RBBP6: variants seen among roughly 807,000 people sequenced by gnomAD.
RBBP6 encodes RB binding protein 6, ubiquitin ligase.
In RBBP6, 25 loss-of-function variants were observed where a neutral mutation model predicts 167.7. The observed-to-expected ratio is 0.15, with a 90% CI of 0.11 to 0.21. The LOEUF (loss-of-function observed/expected upper bound fraction) is 0.21, where lower values mean the gene tolerates loss of function less well. RBBP6 is among the 10% of genes least tolerant of loss of function. The pLI, the probability that RBBP6 is intolerant of heterozygous loss-of-function variation, is 1.00. For synonymous variants in RBBP6, 789 were observed against 735.8 expected (o/e 1.07, Z -1.17); for missense variants, 1,868 against 2,134.2 (o/e 0.88, Z 2.46).
rs778596342 is a variant in RBBP6 at position 24,569,865 on chromosome 16, A to G, written c.3175A>G (p.Ile1059Val). The change falls in exon 17 of 18, where the codon ATT becomes GTT. Residue 1059 changes from isoleucine to valine, a missense_variant. Around this residue, in one of 7 missense-constraint regions of RBBP6, gnomAD observed 673 missense variants for 691.5 expected, o/e 0.97. Transcript: ENST00000319715. ...GAGATCTCCTCGATCTGAACCTCCA[A>G]TTAAAAAAGCCAAAGAGGAGACTCC... ...RERSPRSEPP[I>V]KKAKEETPKT... 8.1e-6 allele frequency: 13 copies of G among 1,610,762 alleles called. No homozygotes were observed. The highest frequency in any genetic ancestry group is 1.1e-5 in the Non-Finnish European group (13 of 1,179,328).
intron 3 of RBBP6, 122 bp downstream of exon 3, chr16:24,549,103 ATG>A: frequency 6.6e-7 from 1 of 1,516,018 alleles, no homozygotes; most frequent in African/African-American, 1.4e-5. Context: ...TGTAAATAAA[ATG>A]TATTTTGATG....
intron 6 of RBBP6, 26 bp downstream of exon 6, chr16:24,555,943 A>T (rs373554149): frequency 2.0e-6 from 3 of 1,518,400 alleles, no homozygotes; most frequent in Non-Finnish European, 2.7e-6. Flanking sequence ...AAACTATGGT[A>T]TATCTTACTT....
At chr16:24,563,761 A>G (rs928255673) in intron 13 of RBBP6, 97 bp downstream of exon 13, 9 of 1,109,772 alleles carry the variant, frequency 8.1e-6, no homozygotes, top group Non-Finnish European at 1.0e-5. Context: ...GGTCCAAACT[A>G]GGCAGCGGGT....
intron 1 of RBBP6, among the ~76,000 whole-genome samples, chr16:24,542,794 G>C (rs923266455): frequency 2.6e-5 from 4 of 152,134 alleles, no homozygotes; most frequent in Non-Finnish European, 4.4e-5. Flanking sequence ...AATCCTGTCC[G>C]GAAATTTAAG....
chr16:24,540,809 C>A lies in RBBP6; in HGVS notation c.166+17C>A, dbSNP rs1232829790. 4 of 1,602,500 alleles carry A rather than the reference C, an allele frequency of 2.5e-6. No individual in the cohort carries two copies. In the South Asian group the frequency reaches 3.3e-5, roughly 13 times the overall value. On this transcript the variant is annotated intron_variant, in intron 1 of 17. Coordinates refer to ENST00000319715, the MANE Select transcript of RBBP6 (RefSeq NM_006910.5). ...CGAAAGAAGGTAAGGGCCGCTTGGT[C>A]TTAAGATATTTGGTGGCTGGAGAGA...
At chr16:24,553,208 A>G in intron 3 of RBBP6, 1 of 248,272 alleles carries the variant, frequency 4.0e-6, no homozygotes, top group Non-Finnish European at 7.8e-6. Context: ...TCACATTTAG[A>G]GACCATAGGG....
Position 24,571,896 on chromosome 16 carries a change from T to C in RBBP6, c.4830T>C (p.Ser1610=). ...KEQITGQIDK[S]TVKPKPQLSH... ...AAATTACTGGGCAAATTGACAAGAGTACTGTCAAGCCTAAACCCCAGTTAA... is the reference window on the plus strand; with the variant it reads ...AAATTACTGGGCAAATTGACAAGAGCACTGTCAAGCCTAAACCCCAGTTAA... Residue 1610 remains serine (S), a synonymous_variant, in exon 18 of 18, where the codon AGT becomes AGC. Transcript: ENST00000319715. 6.2e-7 allele frequency: 1 copy of C among 1,614,072 alleles called. No individual in the cohort carries two copies. The highest frequency in any genetic ancestry group is 8.5e-7 in the Non-Finnish European group (1 of 1,179,990).
At chr16:24,545,378 CT>C (rs371790538) in intron 1 of RBBP6, among the ~76,000 whole-genome samples, 2 of 152,138 alleles carry the variant, frequency 1.3e-5, no homozygotes, top group African/African-American at 4.8e-5. Context: ...GGCCAGTAGT[CT>C]TTTTTTCTTT....
chr16:24,560,267 C>T (rs780369121), intron 8 of RBBP6, among the ~76,000 whole-genome samples: 31 of 152,170 alleles, frequency 2.0e-4, no homozygotes, highest in Non-Finnish European at 4.1e-4. Flanking sequence ...CCACCACACC[C>T]GGCTAATGTT....
rs769567108 is a variant in RBBP6, at chr16:24,571,511, A to G, written c.4445A>G (p.Tyr1482Cys). 1.2e-6 allele frequency: 2 copies of G among 1,613,558 alleles called. No individual in the cohort carries two copies. Among genetic ancestry groups the G allele is most frequent in the East Asian group, 2.2e-5 (1 of 44,862 alleles). The stretch of plus-strand genomic sequence containing the variant: ...AAAACTGACTATGACACCAGAGAGT[A>G]TTCAAGTTCCAAACGTAGAGATGAA... ...DKKTDYDTRE[Y>C]SSSKRRDEKN... Residue 1482 changes from tyrosine (Y) to cysteine (C), a missense_variant, in exon 18 of 18, where the codon TAT becomes TGT. This residue lies in a region of RBBP6 where 591 missense variants were observed against 540.5 expected (regional missense o/e 1.09). Coordinates refer to ENST00000319715, the MANE Select transcript of RBBP6 (RefSeq NM_006910.5).
intron 14 of RBBP6, among the ~76,000 whole-genome samples, chr16:24,566,888 A>G (rs1250274887): frequency 1.3e-5 from 2 of 152,194 alleles, no homozygotes; most frequent in African/African-American, 4.8e-5. Flanking sequence ...CATAAAAGAG[A>G]ACTTTTAAAT....
chr16:24,549,545 A>G (rs991772532), intron 3 of RBBP6: 6 of 237,308 alleles, frequency 2.5e-5, no homozygotes, highest in African/African-American at 7.0e-5. Flanking sequence ...CACATCATAG[A>G]AAAGAGCTTT....
Position 24,567,514 on chromosome 16 carries a change from T to G in RBBP6, c.1952+9T>G, listed in dbSNP as rs777709019. ...CGACGACTAAAAGAAGAGTATGTAT[T>G]CTAATTTGAAATTATTATACACTTT... On this transcript the variant is annotated intron_variant, in intron 15 of 17. Transcript: ENST00000319715. 3.8e-6 allele frequency: 6 copies of G among 1,586,798 alleles called. No individual in the cohort carries two copies. Among genetic ancestry groups the G allele is most frequent in the Non-Finnish European group, 5.1e-6 (6 of 1,167,020 alleles).
intron 14 of RBBP6, among the ~76,000 whole-genome samples, chr16:24,565,902 A>G (rs922198167): frequency 1.3e-5 from 2 of 152,150 alleles, no homozygotes; most frequent in Admixed American, 6.5e-5. Flanking sequence ...CTCTGTCTCT[A>G]CCAAAAAAAT....
intron 3 of RBBP6, among the ~76,000 whole-genome samples, chr16:24,551,136 G>A (rs1330588581): frequency 6.6e-6 from 1 of 151,504 alleles, no homozygotes; most frequent in African/African-American, 2.4e-5. Context: ...TATCAGAGTG[G>A]TATTTTATAG....
At chr16:24,565,020 G>A (rs1899158861) in intron 14 of RBBP6, among the ~76,000 whole-genome samples, 155 bp downstream of exon 14, 1 of 152,094 alleles carries the variant, frequency 6.6e-6, no homozygotes, top group African/African-American at 2.4e-5. Context: ...TCCTTAAAGA[G>A]GGCTAGAAAA....
At chr16:24,560,961 T>C (rs1899039220) in intron 8 of RBBP6, among the ~76,000 whole-genome samples, 1 of 152,214 alleles carries the variant, frequency 6.6e-6, no homozygotes, top group African/African-American at 2.4e-5. Flanking sequence ...AAGAGGTTGC[T>C]AAAGACTTGT....
At chr16:24,546,434 C>T (rs1184734135) in intron 2 of RBBP6, among the ~76,000 whole-genome samples, 172 bp downstream of exon 2, 1 of 152,034 alleles carries the variant, frequency 6.6e-6, no homozygotes, top group Non-Finnish European at 1.5e-5. Context: ...TGATTTCCTC[C>T]CCCAGTTAAA....
chr16:24,558,690 C>T (rs575048293), intron 7 of RBBP6, among the ~76,000 whole-genome samples: 1 of 152,222 alleles, frequency 6.6e-6, no homozygotes, highest in East Asian at 1.9e-4. Flanking sequence ...GCAGTGGTGA[C>T]AAGTCTGAGA....
Sources: gnomAD v4.1 joint callset for allele counts (sites outside exome capture counted in the v4.1 genomes callset) on GRCh38, gnomAD v4.1.1 for gene constraint, gnomAD v4.1.1 regional missense constraint, MANE v1.5 for transcripts, NCBI Gene and HGNC (gene_info 2026-07-23, HGNC 2026-07-21) for gene names.